ANO5: variants seen among roughly 807,000 people sequenced by gnomAD.
ANO5 encodes the protein anoctamin-5.
ANO5 carries 109 observed loss-of-function variants against 121.0 expected under a neutral mutation model. The observed-to-expected ratio is 0.90, with a 90% CI of 0.77 to 1.06. The LOEUF (loss-of-function observed/expected upper bound fraction) is 1.06. Among genes scored for constraint, ANO5 ranks in the 50% least tolerant of loss-of-function variants. The probability of loss-of-function intolerance (pLI) is 0.00; values close to 1 mark genes in which losing one functional copy is unlikely to be tolerated. For synonymous variants in ANO5, 406 were observed against 359.9 expected, an observed-to-expected ratio of 1.13 and a Z score of -1.45; for missense variants, 1,064 against 1,078.5, an observed-to-expected ratio of 0.99 and a Z score of 0.19.
chr11:22,203,757 G>T (rs777565505), intron 1 of ANO5, 47 bp from the exon 2 acceptor site: 2 of 1,190,600 alleles, frequency 1.7e-6, no homozygotes, highest in Middle Eastern at 2.0e-4. Flanking sequence ...AATATGTTCT[G>T]ATCAGTGGCT....
intron 8 of ANO5, among the ~76,000 whole-genome samples, chr11:22,237,834 G>A (rs1853278074): frequency 6.6e-6 from 1 of 151,900 alleles, no homozygotes; most frequent in African/African-American, 2.4e-5. Context: ...TCCACTGAGG[G>A]TTGGTTCCAG....
Position 22,272,947 on chromosome 11 carries a change from AG to A in ANO5, c.2194del (p.Asp732ThrfsTer28). 6.2e-7 allele frequency: 1 copy of A among 1,614,134 alleles called. No individual in the cohort carries two copies. The highest frequency in any genetic ancestry group is 8.5e-7 in the Non-Finnish European group (1 of 1,180,030). On this transcript the variant is annotated frameshift_variant, in exon 19 of 22. Coordinates refer to ENST00000324559, the MANE Select transcript of ANO5 (RefSeq NM_213599.3). LOFTEE classifies it high-confidence loss of function. ...SKAHSIGVWQ[D>X]ILYGMAVLSV... ...AAGCTCATAGCATAGGTGTTTGGCA[AG>A]ACATTCTTTATGGAATGGCTGTCCT... is the stretch of plus-strand genomic sequence containing the variant.
chr11:22,202,798 C>A (rs1011258175), intron 1 of ANO5, among the ~76,000 whole-genome samples: 4 of 152,182 alleles, frequency 2.6e-5, no homozygotes, highest in Non-Finnish European at 5.9e-5. Flanking sequence ...TTTATCTTCA[C>A]ACTGCCTTCT....
Position 22,276,100 on chromosome 11 carries a change from A to C in ANO5, c.2421A>C (p.Arg807Ser). 1 of 1,603,870 alleles carries C rather than the reference A, an allele frequency of 6.2e-7. No homozygotes were observed. The highest frequency in any genetic ancestry group is 8.5e-7 in the Non-Finnish European group (1 of 1,171,434). The change falls in exon 21 of 22, where the codon AGA (arginine) becomes AGC (serine). Residue 807 changes from arginine to serine, a missense_variant. Arg to Ser is a moderately radical substitution (Grantham distance 110). Transcript: ENST00000324559. ...EKRDFITCRY[R>S]DYRYPPDDEN... ...ATTTACTTCCACTTTTCAGGTACAG[A>C]GATTACAGATATCCTCCTGATGACG...
chr11:22,227,104 A>G (rs930696885), intron 6 of ANO5, among the ~76,000 whole-genome samples, 198 bp from the exon 7 acceptor site: 1 of 151,894 alleles, frequency 6.6e-6, no homozygotes, highest in African/African-American at 2.4e-5. Context: ...CACACATTAT[A>G]TGTATACATA....
Position 22,263,060 on chromosome 11 carries a change from A to G in ANO5, c.1898+17A>G. The G allele has an allele frequency of 1.3e-6, 2 of 1,578,096 alleles. No individual in the cohort carries two copies. Among genetic ancestry groups the G allele is most frequent in the Non-Finnish European group, 8.7e-7 (1 of 1,147,908 alleles). ...CATTTATCCGTATGTATGACTTACA[A>G]GCTTTTTATTTGATTTAAGTAACCA... On this transcript the variant is annotated intron_variant, in intron 17 of 21. Transcript: ENST00000324559.
At chr11:22,246,563 T>C (rs1166538926) in intron 9 of ANO5, among the ~76,000 whole-genome samples, 1 of 151,922 alleles carries the variant, frequency 6.6e-6, no homozygotes, top group African/African-American at 2.4e-5. Flanking sequence ...ATTCTTAAAA[T>C]AGAAAGAATT....
chr11:22,218,952 G>A (rs1171279280), intron 4 of ANO5, among the ~76,000 whole-genome samples: 1 of 151,910 alleles, frequency 6.6e-6, no homozygotes, highest in Admixed American at 6.6e-5. Flanking sequence ...GATATTCTAA[G>A]GACAAATCAA....
At position 22,193,630 on chromosome 11, in the gene ANO5, C is replaced by A. The variant is rs537812240; in HGVS notation, c.40+98C>A. The A allele has an allele frequency of 1.3e-5, 19 of 1,440,426 alleles. No homozygotes were observed. The African/African-American group carries it at 2.4e-4, about 18-fold the overall frequency. The allele number at this position is 1,440,426 out of a possible 1,614,324, so 89.2% of individuals were successfully genotyped here. A position where few individuals can be genotyped will look rare whatever the true frequency, so the allele number is the denominator to read the frequency against. ...GCCCCGGGGGACGTTGGCGGCCCTG[C>A]GGCCTGAGTCCTAGGGAGGTTCGCT... On this transcript the variant is annotated intron_variant, in intron 1 of 21. Coordinates refer to ENST00000324559, the MANE Select transcript of ANO5 (RefSeq NM_213599.3).
At chr11:22,210,949 T>A (rs184581611) in intron 2 of ANO5, among the ~76,000 whole-genome samples, 9 of 152,020 alleles carry the variant, frequency 5.9e-5, no homozygotes, top group Admixed American at 2.6e-4. Flanking sequence ...AACCACTTCT[T>A]GTATCTGATT....
chr11:22,255,341 T>A (rs1372058815), intron 12 of ANO5, 30 bp from the exon 13 acceptor site: 3 of 1,512,138 alleles, frequency 2.0e-6, no homozygotes, highest in Non-Finnish European at 2.7e-6. Flanking sequence ...TTTTTTAATA[T>A]CTTTTTTTTA....
In ANO5 at chr11:22,218,311, T is replaced by G. The variant is rs1453054177; in HGVS notation, c.180+24T>G. On this transcript the variant is annotated intron_variant, in intron 4 of 21. Transcript: ENST00000324559. ...TGGTAAAACCAGTGCTGAATGATGC[T>G]GCTTATGCTCTGAATGGCTGCAGTG... The G allele has an allele frequency of 3.1e-6, 5 of 1,612,820 alleles. No individual in the cohort carries two copies. The Admixed American group carries it at 8.4e-5, about 27-fold the overall frequency.
intron 18 of ANO5, among the ~76,000 whole-genome samples, chr11:22,271,891 A>G (rs11026487): frequency 0.67 from 101,133 of 151,930 alleles, 35,773 homozygotes; most frequent in Non-Finnish European, 0.8. Flanking sequence ...GGTTAGGTAG[A>G]GAAAGCAGGA....
chr11:22,227,612 A>T, intron 7 of ANO5, 26 bp downstream of exon 7: 1 of 1,609,306 alleles, frequency 6.2e-7, no homozygotes. Flanking sequence ...CTTTGGGCAC[A>T]TCCCTTCAAA....
chr11:22,223,479 C>T (rs572576496), intron 5 of ANO5, among the ~76,000 whole-genome samples: 1 of 151,998 alleles, frequency 6.6e-6, no homozygotes, highest in Non-Finnish European at 1.5e-5. Flanking sequence ...CTGCCTAGCA[C>T]ATACCAAAAT....
chr11:22,265,867 GTAGGATTGGTGAAGGGA>G (rs947581843), intron 17 of ANO5, among the ~76,000 whole-genome samples: 1 of 152,120 alleles, frequency 6.6e-6, no homozygotes, highest in African/African-American at 2.4e-5. Flanking sequence ...TCAAGACAAT[GTAGGATTGGTGAAGGGA>G]TAGTTATATA....
intron 18 of ANO5, among the ~76,000 whole-genome samples, chr11:22,272,118 C>T (rs904692687): frequency 1.3e-5 from 2 of 151,632 alleles, no homozygotes; most frequent in Middle Eastern, 3.2e-3. Context: ...GTTATTTTAC[C>T]CTAAACATTG....
intron 21 of ANO5, among the ~76,000 whole-genome samples, chr11:22,277,495 G>T (rs1375576667): frequency 6.6e-6 from 1 of 151,160 alleles, no homozygotes; most frequent in East Asian, 1.9e-4. Context: ...CTGTCCATCA[G>T]AGTTTTGATT....
intron 7 of ANO5, 42 bp downstream of exon 7, chr11:22,227,628 G>C: frequency 6.2e-7 from 1 of 1,600,206 alleles, no homozygotes; most frequent in Non-Finnish European, 8.6e-7. Context: ...TCAAATACGA[G>C]ATGTATGCTT....
Sources: allele counts gnomAD v4.1 joint callset (sites outside exome capture counted in the v4.1 genomes callset), GRCh38; gene constraint gnomAD v4.1.1; transcripts MANE v1.5; gene names NCBI Gene and HGNC (gene_info 2026-07-23, HGNC 2026-07-21).